The following TMTC1 variants were observed in gnomAD, a reference collection of about 807,000 sequenced individuals.
TMTC1 encodes protein O-mannosyl-transferase TMTC1.
A neutral mutation model predicts 104.8 loss-of-function variants in TMTC1; 73 were observed. The ratio of observed to expected loss-of-function variants is 0.70; its 90% CI spans 0.58 to 0.85. The LOEUF (loss-of-function observed/expected upper bound fraction) is 0.85. Among genes scored for constraint, TMTC1 ranks in the 40% least tolerant of loss-of-function variants. The probability of loss-of-function intolerance (pLI) is 0.00; values close to 1 mark genes in which losing one functional copy is unlikely to be tolerated. For missense variants in TMTC1, 1,035 were observed against 1,096.1 expected, an observed-to-expected ratio of 0.94 and a Z score of 0.79; for synonymous variants, 434 against 428.7, an observed-to-expected ratio of 1.01 and a Z score of -0.15.
intron 9 of TMTC1, among the ~76,000 whole-genome samples, chr12:29,569,337 A>G (rs951813386): frequency 1.3e-5 from 2 of 152,232 alleles, no homozygotes; most frequent in African/African-American, 4.8e-5. Flanking sequence ...TACAGCCCTT[A>G]TGATTAATTT....
chr12:29,736,670 G>A (rs913840528), intron 5 of TMTC1, among the ~76,000 whole-genome samples: 5 of 152,010 alleles, frequency 3.3e-5, no homozygotes, highest in Non-Finnish European at 7.4e-5. Context: ...CGCCCACCTC[G>A]GCCTCCCAAA....
At chr12:29,689,060 T>C (rs1336431286) in intron 5 of TMTC1, among the ~76,000 whole-genome samples, 2 of 152,264 alleles carry the variant, frequency 1.3e-5, no homozygotes, top group African/African-American at 4.8e-5. Context: ...TCCTTGAGCT[T>C]GAATGTAGTG....
chr12:29,752,489 C>T (rs1002285053), intron 4 of TMTC1, among the ~76,000 whole-genome samples: 4 of 152,170 alleles, frequency 2.6e-5, no homozygotes, highest in African/African-American at 9.6e-5. Context: ...TATCCTTTGC[C>T]CAGCAACTAC....
At chr12:29,666,681 C>T (rs533644746) in intron 5 of TMTC1, among the ~76,000 whole-genome samples, 15 of 152,232 alleles carry the variant, frequency 9.9e-5, no homozygotes, top group South Asian at 6.2e-4. Flanking sequence ...TTCCCTTACC[C>T]GGAATACTAA....
chr12:29,737,600 A>G (rs1476762317), intron 5 of TMTC1, among the ~76,000 whole-genome samples: 1 of 152,184 alleles, frequency 6.6e-6, no homozygotes, highest in African/African-American at 2.4e-5. Context: ...TGCTCCCAGG[A>G]GACTTCTGCC....
intron 5 of TMTC1, among the ~76,000 whole-genome samples, chr12:29,664,256 C>A (rs1301423183): frequency 9.3e-5 from 14 of 149,764 alleles, no homozygotes; most frequent in African/African-American, 3.2e-4. Context: ...ATGTAGCATC[C>A]CAATGTAATG....
intron 10 of TMTC1, among the ~76,000 whole-genome samples, chr12:29,536,691 G>T (rs1944654444): frequency 6.6e-6 from 1 of 152,208 alleles, no homozygotes; most frequent in South Asian, 2.1e-4. Flanking sequence ...TTACAATGAT[G>T]TGAAGATATT....
At chr12:29,625,805 C>G (rs1176112393) in intron 6 of TMTC1, among the ~76,000 whole-genome samples, 1 of 152,152 alleles carries the variant, frequency 6.6e-6, no homozygotes, top group African/African-American at 2.4e-5. Flanking sequence ...GGGGAATCAC[C>G]AGTCCCCTTA....
In TMTC1 at chr12:29,701,467, T is replaced by C. The variant is rs144359726; in HGVS notation, c.938+50199A>G. 1.2e-3 allele frequency among the ~76,000 whole-genome samples: 181 copies of C among 152,282 alleles called. 5 individuals are homozygous for C. In the East Asian group the frequency reaches 0.029, roughly 25 times the overall value. ...CTCTATGTCAGCCTGCTCCAGAAAC[T>C]GCTAGAACTCCATGCACTGCAGTCT... is the stretch of plus-strand genomic sequence containing the variant. On this transcript the variant is annotated intron_variant, in intron 5 of 17. Transcript: ENST00000539277.
At chr12:29,681,675 C>T (rs1420141750) in intron 5 of TMTC1, among the ~76,000 whole-genome samples, 1 of 151,836 alleles carries the variant, frequency 6.6e-6, no homozygotes, top group East Asian at 1.9e-4. Flanking sequence ...CCCCTCCCAC[C>T]CCCACAAAAA....
chr12:29,621,467 T>C (rs1267270919), intron 6 of TMTC1, among the ~76,000 whole-genome samples: 1 of 152,358 alleles, frequency 6.6e-6, no homozygotes, highest in East Asian at 1.9e-4. Context: ...AAAGACTGCA[T>C]GGGCAGCAAA....
chr12:29,556,127 C>G (rs1945239764), intron 10 of TMTC1, among the ~76,000 whole-genome samples: 2 of 152,034 alleles, frequency 1.3e-5, no homozygotes, highest in South Asian at 4.1e-4. Context: ...GGACCATCAC[C>G]AACATGCTTA....
intron 10 of TMTC1, among the ~76,000 whole-genome samples, chr12:29,556,469 G>T (rs1209320004): frequency 6.6e-6 from 1 of 152,056 alleles, no homozygotes; most frequent in African/African-American, 2.4e-5. Context: ...ACAAAGAAAA[G>T]ACAAAAATGA....
chr12:29,589,812 G>A (rs1436604402), intron 7 of TMTC1, among the ~76,000 whole-genome samples: 1 of 152,228 alleles, frequency 6.6e-6, no homozygotes, highest in Non-Finnish European at 1.5e-5. Context: ...CACAATATTT[G>A]CAGGGCATGC....
intron 11 of TMTC1, among the ~76,000 whole-genome samples, chr12:29,527,692 C>T (rs1312082363): frequency 6.6e-6 from 1 of 152,224 alleles, no homozygotes; most frequent in Non-Finnish European, 1.5e-5. Context: ...GTCAATTACA[C>T]CACTATTAAC....
At chr12:29,549,708 A>T (rs1431471399) in intron 10 of TMTC1, among the ~76,000 whole-genome samples, 3 of 152,162 alleles carry the variant, frequency 2.0e-5, no homozygotes, top group African/African-American at 4.8e-5. Flanking sequence ...ACCTTGAATG[A>T]CCTGAATATT....
At chr12:29,691,437 G>T (rs1372211879) in intron 5 of TMTC1, among the ~76,000 whole-genome samples, 1 of 152,100 alleles carries the variant, frequency 6.6e-6, no homozygotes, top group East Asian at 1.9e-4. Flanking sequence ...AGACTGATTT[G>T]AATAATAATA....
At chr12:29,664,368 C>T (rs770755455) in intron 5 of TMTC1, among the ~76,000 whole-genome samples, 14 of 151,916 alleles carry the variant, frequency 9.2e-5, no homozygotes, top group Non-Finnish European at 1.5e-4. Flanking sequence ...GAAAGTAACC[C>T]AAAATAACAT....
rs1434037216 is a variant in TMTC1, at chr12:29,751,808, G to A, written c.796C>T (p.Pro266Ser). The stretch of plus-strand genomic sequence containing the variant: ...CCATTCTCCCGGTGAGGATGGCCTG[G>A]CAGTGAGGAGGGCTGGGGGCTCCCG... ...QPGSPQPSSL[P>S]GHPHRENGKQ... The change falls in exon 5 of 18, where the codon CCA (proline) becomes TCA (serine). Residue 266 changes from proline (P) to serine (S), a missense_variant. Coordinates refer to ENST00000539277, the MANE Select transcript of TMTC1 (RefSeq NM_001193451.2). 2 of 1,610,954 alleles carry A rather than the reference G, an allele frequency of 1.2e-6. No individual in the cohort carries two copies.
Sources: gnomAD v4.1 joint callset for allele counts (sites outside exome capture counted in the v4.1 genomes callset) on GRCh38, gnomAD v4.1.1 for gene constraint, MANE v1.5 for transcripts, NCBI Gene and HGNC (gene_info 2026-07-23, HGNC 2026-07-21) for gene names.